Variants in FGD4 observed in about 807,000 individuals in gnomAD.
The protein encoded by FGD4 is FYVE, RhoGEF and PH domain containing 4, also known as FYVE, RhoGEF and PH domain-containing protein 4.
A neutral mutation model predicts 102.0 loss-of-function variants in FGD4; 42 were observed. The ratio of observed to expected loss-of-function variants is 0.41; its 90% CI spans 0.32 to 0.53. The LOEUF (loss-of-function observed/expected upper bound fraction) is 0.53. FGD4 is among the 20% of genes least tolerant of loss of function. The pLI is 0.21. For synonymous variants in FGD4, 380 were observed against 375.7 expected, an observed-to-expected ratio of 1.01 and a Z score of -0.13; for missense variants, 902 against 1,078.2, an observed-to-expected ratio of 0.84 and a Z score of 2.29.
chr12:32,409,315 T>G (rs1941099862), intron 1 of FGD4, among the ~76,000 whole-genome samples: 1 of 144,538 alleles, frequency 6.9e-6, no homozygotes, highest in Non-Finnish European at 1.5e-5. Context: ...TGAGTTGAAG[T>G]CTCACTCTTG....
At chr12:32,453,199 A>ATTTTATATATATTTTATATATATATT (rs1273299981) in intron 1 of FGD4, among the ~76,000 whole-genome samples, 1 of 61,126 alleles carries the variant, frequency 1.6e-5, no homozygotes, top group African/African-American at 3.9e-5. Context: ...TTATATATAT[A>ATTTTATATATATTTTATATATATATT]TTATATATAT....
intron 1 of FGD4, among the ~76,000 whole-genome samples, chr12:32,563,110 C>G (rs1423049818): frequency 6.6e-6 from 1 of 151,202 alleles, no homozygotes; most frequent in Non-Finnish European, 1.5e-5. Flanking sequence ...CCCCACCTCC[C>G]TCCCGGACGG....
intron 3 of FGD4, among the ~76,000 whole-genome samples, chr12:32,577,163 C>T (rs966795528): frequency 6.7e-6 from 1 of 149,298 alleles, no homozygotes; most frequent in African/African-American, 2.4e-5. Flanking sequence ...CCTTATAAAA[C>T]TCTCAATTGT....
chr12:32,520,968 T>G (rs1940479107), intron 1 of FGD4, among the ~76,000 whole-genome samples: 1 of 152,174 alleles, frequency 6.6e-6, no homozygotes, highest in Admixed American at 6.5e-5. Context: ...ACTATTTTAC[T>G]TGTTTGCTCT....
At chr12:32,494,209 T>G (rs1249630068) in intron 1 of FGD4, among the ~76,000 whole-genome samples, 1 of 152,184 alleles carries the variant, frequency 6.6e-6, no homozygotes, top group Admixed American at 6.5e-5. Context: ...CAGCTAACTT[T>G]TTAATTTTAT....
intron 1 of FGD4, among the ~76,000 whole-genome samples, chr12:32,557,799 T>TA (rs1037416558): frequency 1.2e-4 from 18 of 152,142 alleles, no homozygotes; most frequent in Non-Finnish European, 1.2e-4. Flanking sequence ...GTCTTTTTTT[T>TA]AAAAAAGGCA....
intron 1 of FGD4, among the ~76,000 whole-genome samples, chr12:32,431,716 T>A (rs954158236): frequency 6.6e-6 from 1 of 151,350 alleles, no homozygotes; most frequent in Non-Finnish European, 1.5e-5. Context: ...GAGGTTGCAG[T>A]GAGCCAAGAT....
intron 15 of FGD4, among the ~76,000 whole-genome samples, chr12:32,638,040 T>G (rs1197726231): frequency 1.3e-5 from 2 of 152,172 alleles, no homozygotes; most frequent in Non-Finnish European, 2.9e-5. Context: ...CTTTCTTAAT[T>G]GAAGTAGGTA....
chr12:32,594,499 A>G (rs1025897514), intron 4 of FGD4, among the ~76,000 whole-genome samples: 8 of 152,180 alleles, frequency 5.3e-5, no homozygotes, highest in African/African-American at 1.9e-4. Flanking sequence ...TGTAATAATA[A>G]TAGAAATAAA....
At chr12:32,617,869 G>A (rs528339563) in intron 10 of FGD4, among the ~76,000 whole-genome samples, 1 of 152,258 alleles carries the variant, frequency 6.6e-6, no homozygotes, top group East Asian at 1.9e-4. Context: ...TTTCTATCGT[G>A]CGGGAGCTCC....
intron 1 of FGD4, among the ~76,000 whole-genome samples, chr12:32,413,678 A>G (rs2136401222): frequency 6.6e-6 from 1 of 152,302 alleles, no homozygotes; most frequent in South Asian, 2.1e-4. Context: ...ACAATCTGGA[A>G]GTCTCCCTAA....
intron 1 of FGD4, among the ~76,000 whole-genome samples, chr12:32,426,238 A>G (rs1362939247): frequency 6.6e-6 from 1 of 152,180 alleles, no homozygotes; most frequent in Non-Finnish European, 1.5e-5. Flanking sequence ...GACACATTCC[A>G]TCAATACCTA....
chr12:32,595,931 TA>T (rs2136572628), intron 4 of FGD4, among the ~76,000 whole-genome samples: 1 of 152,362 alleles, frequency 6.6e-6, no homozygotes, highest in African/African-American at 2.4e-5. Context: ...TAACTTTACA[TA>T]TTGAAAGGAT....
intron 1 of FGD4, among the ~76,000 whole-genome samples, chr12:32,429,463 AC>A (rs1941971820): frequency 6.6e-6 from 1 of 152,052 alleles, no homozygotes; most frequent in African/African-American, 2.4e-5. Context: ...GTGTCTGTTG[AC>A]CCCTGCTGGG....
chr12:32,477,069 C>T (rs1943601086), intron 1 of FGD4, among the ~76,000 whole-genome samples: 1 of 152,166 alleles, frequency 6.6e-6, no homozygotes, highest in Admixed American at 6.5e-5. Context: ...AGGCGGATCA[C>T]CTGAGGTAAG....
chr12:32,525,887 A>T (rs550889065), intron 1 of FGD4, among the ~76,000 whole-genome samples: 2 of 152,176 alleles, frequency 1.3e-5, no homozygotes, highest in Non-Finnish European at 2.9e-5. Flanking sequence ...TCGATTTCTC[A>T]CCGGGCCTTA....
At chr12:32,504,135 G>A (rs759273165) in intron 1 of FGD4, among the ~76,000 whole-genome samples, 9 of 152,166 alleles carry the variant, frequency 5.9e-5, no homozygotes, top group Non-Finnish European at 1.3e-4. Flanking sequence ...AAGTGTAAGC[G>A]TGTTGCATTG....
intron 1 of FGD4, among the ~76,000 whole-genome samples, chr12:32,491,728 G>A (rs1220639551): frequency 1.3e-5 from 2 of 152,042 alleles, no homozygotes; most frequent in Non-Finnish European, 2.9e-5. Context: ...AATGTTCCTA[G>A]GTATGCTACT....
intron 1 of FGD4, among the ~76,000 whole-genome samples, chr12:32,505,930 G>C (rs1938684587): frequency 6.6e-6 from 1 of 152,080 alleles, no homozygotes; most frequent in Non-Finnish European, 1.5e-5. Context: ...TATATTTTTA[G>C]ATTCCTGTTA....
Sources: gnomAD v4.1 joint callset for allele counts (sites outside exome capture counted in the v4.1 genomes callset) on GRCh38, gnomAD v4.1.1 for gene constraint, MANE v1.5 for transcripts, NCBI Gene and HGNC (gene_info 2026-07-23, HGNC 2026-07-21) for gene names.